Variants in TRHDE observed in about 807,000 individuals in gnomAD.
TRHDE encodes thyrotropin releasing hormone degrading enzyme.
In TRHDE, 72 loss-of-function variants were observed where a neutral mutation model predicts 125.7. That is an observed-to-expected ratio of 0.57 (90% CI 0.47 to 0.70). The LOEUF (loss-of-function observed/expected upper bound fraction) is 0.70. Among genes scored for constraint, TRHDE ranks in the 30% least tolerant of loss-of-function variants. The pLI is 0.00. For synonymous variants in TRHDE, 509 were observed against 509.1 expected (o/e 1.00, Z 0.00); for missense variants, 1,110 against 1,327.1 (o/e 0.84, Z 2.54).
chr12:72,148,539 G>A (rs1349813025), intron 2 of TRHDE, among the ~76,000 whole-genome samples: 1 of 152,174 alleles, frequency 6.6e-6, no homozygotes, highest in Non-Finnish European at 1.5e-5. Flanking sequence ...AACAGGTGGA[G>A]CAATCACATC....
chr12:72,518,959 T>C (rs1879030298), intron 6 of TRHDE, among the ~76,000 whole-genome samples: 1 of 152,224 alleles, frequency 6.6e-6, no homozygotes, highest in Non-Finnish European at 1.5e-5. Context: ...TCTTTAAGAA[T>C]GTTGAATATT....
At chr12:72,294,204 C>A (rs1332886773) in intron 2 of TRHDE, among the ~76,000 whole-genome samples, 2 of 152,212 alleles carry the variant, frequency 1.3e-5, no homozygotes, top group African/African-American at 4.8e-5. Context: ...TGTCTCAGCC[C>A]TGTTTGTGCG....
At chr12:72,349,398 T>C (rs1402929235) in intron 2 of TRHDE, among the ~76,000 whole-genome samples, 9 of 152,090 alleles carry the variant, frequency 5.9e-5, no homozygotes, top group African/African-American at 9.7e-5. Flanking sequence ...CCAGCAATGC[T>C]GTTATCAGAG....
At chr12:72,264,305 G>A (rs1879017947) in intron 2 of TRHDE, 1 of 151,988 alleles carries the variant, frequency 6.6e-6, no homozygotes, top group South Asian at 2.1e-4. Flanking sequence ...TCAATCTGAT[G>A]TTAGAAGTAA....
intron 3 of TRHDE, among the ~76,000 whole-genome samples, chr12:72,462,398 C>T (rs1383913249): frequency 6.6e-6 from 1 of 152,162 alleles, no homozygotes; most frequent in African/African-American, 2.4e-5. Flanking sequence ...GAGCTCTTTA[C>T]ATGGCAGAGT....
rs928966773 is a variant in TRHDE at position 72,300,625 on chromosome 12, G to A, written c.1188+13671G>A. Among the ~76,000 whole-genome samples, 18 of 151,258 alleles carry A rather than the reference G, an allele frequency of 1.2e-4. No individual in the cohort carries two copies. The South Asian group carries it at 2.9e-3, about 25-fold the overall frequency. ...AAAGATGTATAGCGTGTGTGTGTGT[G>A]TATATATATGTTCTCACATGATATA... On this transcript the variant is annotated intron_variant, in intron 2 of 18. Transcript: ENST00000261180.
At chr12:72,521,431 G>A (rs1487527036) in intron 6 of TRHDE, among the ~76,000 whole-genome samples, 1 of 152,200 alleles carries the variant, frequency 6.6e-6, no homozygotes, top group Non-Finnish European at 1.5e-5. Flanking sequence ...GTGGAGATGA[G>A]CATGGTGTAG....
chr12:72,178,760 T>G (rs1001601221), intron 2 of TRHDE, among the ~76,000 whole-genome samples: 1 of 152,116 alleles, frequency 6.6e-6, no homozygotes, highest in Non-Finnish European at 1.5e-5. Context: ...CTAACTCCAG[T>G]ACAAGATATT....
chr12:72,089,058 T>C (rs1379503714), intron 1 of TRHDE, among the ~76,000 whole-genome samples: 1 of 152,188 alleles, frequency 6.6e-6, no homozygotes, highest in Admixed American at 6.6e-5. Flanking sequence ...ACCCATTGCC[T>C]TCCCTATCTC....
intron 7 of TRHDE, among the ~76,000 whole-genome samples, chr12:72,557,205 T>C (rs1869966860): frequency 6.6e-6 from 1 of 152,168 alleles, no homozygotes; most frequent in African/African-American, 2.4e-5. Context: ...GTTTTCCTGA[T>C]TCCTTAAAGG....
intron 2 of TRHDE, among the ~76,000 whole-genome samples, chr12:72,307,817 A>G (rs1337078479): frequency 6.6e-6 from 1 of 152,214 alleles, no homozygotes; most frequent in Non-Finnish European, 1.5e-5. Flanking sequence ...AAATCTTTCC[A>G]TTGTCTAAAT....
intron 6 of TRHDE, among the ~76,000 whole-genome samples, chr12:72,535,302 C>T (rs1016401120): frequency 6.6e-6 from 1 of 152,046 alleles, no homozygotes; most frequent in Non-Finnish European, 1.5e-5. Flanking sequence ...GGACTCTTAG[C>T]AGACATTATG....
chr12:72,360,253 A>G (rs1871007538), intron 2 of TRHDE, among the ~76,000 whole-genome samples: 2 of 151,870 alleles, frequency 1.3e-5, no homozygotes, highest in South Asian at 4.1e-4. Flanking sequence ...GACTACATCC[A>G]AAGTAAAAAA....
At chr12:72,573,834 T>C (rs1870861771) in intron 10 of TRHDE, among the ~76,000 whole-genome samples, 1 of 152,018 alleles carries the variant, frequency 6.6e-6, no homozygotes, top group Non-Finnish European at 1.5e-5. Flanking sequence ...AGATATAAGA[T>C]GAACCACTTC....
intron 2 of TRHDE, among the ~76,000 whole-genome samples, chr12:72,350,333 G>A (rs1870525047): frequency 6.6e-6 from 1 of 152,002 alleles, no homozygotes; most frequent in African/African-American, 2.4e-5. Context: ...TAACCAGGAT[G>A]ACAGCAGTAA....
chr12:72,644,877 T>C (rs1186363520), intron 15 of TRHDE, among the ~76,000 whole-genome samples: 1 of 152,026 alleles, frequency 6.6e-6, no homozygotes, highest in Non-Finnish European at 1.5e-5. Flanking sequence ...AGCAGTGGCT[T>C]GGACTGTTAA....
chr12:72,095,827 T>G (rs1021436997), intron 1 of TRHDE, among the ~76,000 whole-genome samples: 4 of 152,224 alleles, frequency 2.6e-5, no homozygotes, highest in African/African-American at 9.7e-5. Context: ...CAAACATTAT[T>G]CTGGATGTTT....
intron 15 of TRHDE, among the ~76,000 whole-genome samples, chr12:72,636,003 T>C (rs1161336385): frequency 1.3e-5 from 2 of 150,824 alleles, no homozygotes; most frequent in South Asian, 2.1e-4. Flanking sequence ...TTTGGTTCCA[T>C]ATGAACTTTA....
At chr12:72,496,586 G>A (rs530542544) in intron 5 of TRHDE, among the ~76,000 whole-genome samples, 3 of 152,154 alleles carry the variant, frequency 2.0e-5, no homozygotes, top group South Asian at 2.1e-4. Context: ...TATTATAATC[G>A]AAGGTGAGAT....
Sources: allele counts gnomAD v4.1 joint callset (sites outside exome capture counted in the v4.1 genomes callset), GRCh38; gene constraint gnomAD v4.1.1; transcripts MANE v1.5; gene names NCBI Gene and HGNC (gene_info 2026-07-23, HGNC 2026-07-21).